Variants in ATG4B observed in about 807,000 individuals in gnomAD.
ATG4B encodes the protein autophagy related 4B cysteine peptidase.
ATG4B carries 29 observed loss-of-function variants against 56.6 expected under a neutral mutation model. The ratio of observed to expected loss-of-function variants is 0.51; its 90% confidence interval spans 0.38 to 0.70. The LOEUF is 0.70. ATG4B is among the 30% of genes least tolerant of loss of function. ATG4B has a pLI of 0.00. For synonymous variants in ATG4B, 224 were observed against 206.1 expected (o/e 1.09, Z -0.74); for missense variants, 461 against 515.5 (o/e 0.89, Z 1.02).
chr2:241,671,129 G>A (rs1176672424), intron 11 of ATG4B, among the ~76,000 whole-genome samples, 183 bp from the exon 12 acceptor site: 1 of 152,252 alleles, frequency 6.6e-6, no homozygotes, highest in South Asian at 2.1e-4. Flanking sequence ...TGGTCAGACT[G>A]TGCTGTGTGT....
chr2:241,641,512 T>C (rs1344777128), intron 1 of ATG4B, among the ~76,000 whole-genome samples: 2 of 147,478 alleles, frequency 1.4e-5, no homozygotes, highest in Non-Finnish European at 3.0e-5. Flanking sequence ...ACTGCGCCAC[T>C]GCACTCCAGC....
At chr2:241,670,548 T>C (rs2068932283) in intron 10 of ATG4B, 178 bp from the exon 11 acceptor site, 2 of 653,874 alleles carry the variant, frequency 3.1e-6, no homozygotes, top group African/African-American at 1.8e-5. Flanking sequence ...CAGGGGACCA[T>C]GCACAGGGCA....
At chr2:241,662,244 C>T (rs2068612872) in intron 7 of ATG4B, among the ~76,000 whole-genome samples, 1 of 152,146 alleles carries the variant, frequency 6.6e-6, no homozygotes, top group Admixed American at 6.5e-5. Flanking sequence ...GGAAACTTCT[C>T]TAAACATCCA....
chr2:241,654,465 C>CCATCTGTA, intron 4 of ATG4B, 81 bp from the exon 5 acceptor site: 1 of 849,604 alleles, frequency 1.2e-6, no homozygotes, highest in Non-Finnish European at 1.9e-6. Context: ...GGTTTGGATG[C>CCATCTGTA]CATCTGTATC....
chr2:241,647,195 T>C (rs540611583), intron 1 of ATG4B, among the ~76,000 whole-genome samples: 22 of 152,352 alleles, frequency 1.4e-4, no homozygotes, highest in Non-Finnish European at 2.2e-4. Flanking sequence ...CCAGTGTTCA[T>C]TTAGCTCTGC....
chr2:241,652,974 T>C (rs966484457), intron 3 of ATG4B, among the ~76,000 whole-genome samples: 9 of 152,234 alleles, frequency 5.9e-5, no homozygotes, highest in African/African-American at 1.7e-4. Flanking sequence ...TGCTATGGGC[T>C]GGCAGTGTTT....
chr2:241,667,322 G>C (rs1309185557), intron 8 of ATG4B, among the ~76,000 whole-genome samples: 1 of 152,098 alleles, frequency 6.6e-6, no homozygotes, highest in African/African-American at 2.4e-5. Context: ...AAAGCAAAAG[G>C]GGGCGGGGAG....
At position 241,642,870 on chromosome 2, in the gene ATG4B, TC is replaced by T. The variant is rs1300819960; in HGVS notation, c.10+5148del. On this transcript the variant is annotated intron_variant, in intron 1 of 12. Transcript: ENST00000404914. ...TCTTAAGGTGTACAGCACCTCTCCG[TC>T]CTTTTTTTTTTTTTTTTTTTTTTTT... 6.8e-3 allele frequency among the ~76,000 whole-genome samples: 504 copies of T among 73,834 alleles called. 138 individuals carry two copies. The highest frequency in any genetic ancestry group is 0.043 in the African/African-American group (472 of 11,102). The allele number at this position is 73,834 out of a possible 152,430, so 48.4% of individuals were successfully genotyped here.
chr2:241,661,862 A>G (rs2068604004), intron 7 of ATG4B, among the ~76,000 whole-genome samples: 1 of 152,198 alleles, frequency 6.6e-6, no homozygotes, highest in African/African-American at 2.4e-5. Flanking sequence ...TTCTAACGAC[A>G]GTAGACAGAA....
chr2:241,654,397 GGT>G (rs2068325668), intron 4 of ATG4B, 147 bp from the exon 5 acceptor site: 1 of 624,784 alleles, frequency 1.6e-6, no homozygotes, highest in African/African-American at 1.9e-5. Context: ...CTCCATCCTG[GGT>G]GAGAGAGCGA....
intron 1 of ATG4B, among the ~76,000 whole-genome samples, chr2:241,650,692 C>T (rs1202709095): frequency 6.6e-6 from 1 of 152,022 alleles, no homozygotes; most frequent in Non-Finnish European, 1.5e-5. Flanking sequence ...CTAACTTGGC[C>T]TCTCACCCTC....
intron 1 of ATG4B, among the ~76,000 whole-genome samples, chr2:241,645,379 G>A (rs1486439885): frequency 1.3e-5 from 2 of 152,298 alleles, no homozygotes; most frequent in Non-Finnish European, 2.9e-5. Flanking sequence ...TGGATTCAGT[G>A]TTAGTAAAGA....
intron 1 of ATG4B, 91 bp from the exon 2 acceptor site, chr2:241,650,919 C>G: frequency 9.1e-7 from 1 of 1,093,436 alleles, no homozygotes; most frequent in Non-Finnish European, 1.3e-6. Flanking sequence ...CAGTTGTTCT[C>G]TTCAGCACAG....
chr2:241,662,795 G>A lies in ATG4B; in HGVS notation c.538+3608G>A, dbSNP rs986390907. On this transcript the variant is annotated intron_variant, in intron 7 of 12. Coordinates refer to ENST00000404914, the MANE Select transcript of ATG4B (RefSeq NM_013325.5). ...TCCCAACTTCAAAATCAATAAAGCG[G>A]GCCGGGCGCGGTGGCTCACGCCTAT... Among the ~76,000 whole-genome samples, 5 of 152,034 alleles carry A rather than the reference G, an allele frequency of 3.3e-5. No homozygotes were observed. The South Asian group carries it at 1.0e-3, about 32-fold the overall frequency.
At chr2:241,652,567 G>T (rs756763711) in intron 3 of ATG4B, among the ~76,000 whole-genome samples, 1 of 152,160 alleles carries the variant, frequency 6.6e-6, no homozygotes, top group Non-Finnish European at 1.5e-5. Flanking sequence ...TCGCTATGTT[G>T]CCCAGGCTGG....
chr2:241,658,442 T>A (rs1252413478), intron 6 of ATG4B, among the ~76,000 whole-genome samples: 1 of 152,202 alleles, frequency 6.6e-6, no homozygotes, highest in East Asian at 1.9e-4. Context: ...GGTCTTGCAT[T>A]CTGTCCCCGG....
chr2:241,667,124 C>G (rs561697882), intron 8 of ATG4B, among the ~76,000 whole-genome samples: 5 of 152,140 alleles, frequency 3.3e-5, no homozygotes. Flanking sequence ...CTCGGCCTGA[C>G]GGGGAGCCCC....
intron 5 of ATG4B, 136 bp from the exon 6 acceptor site, chr2:241,655,135 T>C: frequency 2.6e-6 from 2 of 776,474 alleles, no homozygotes; most frequent in South Asian, 1.7e-5. Context: ...CCGATCTTGT[T>C]GGGGCATCCT....
In ATG4B at chr2:241,659,153, T is replaced by G; in HGVS notation, c.504T>G (p.Ile168Met). 1 of 1,613,718 alleles carries G rather than the reference T, an allele frequency of 6.2e-7. No homozygotes were observed. Residue 168 changes from isoleucine to methionine, a missense_variant, in exon 7 of 13, where the codon ATT (isoleucine) becomes ATG (methionine). Coordinates refer to ENST00000404914, the MANE Select transcript of ATG4B (RefSeq NM_013325.5). ...CGTGGAGCTCCTTGGCGGTCCACAT[T>G]GCAATGGACAACACTGTTGTGATGG... is the stretch of plus-strand genomic sequence containing the variant. The part of the protein sequence containing the change: ...FDTWSSLAVH[I>M]AMDNTVVMEE...
Sources: allele counts gnomAD v4.1 joint callset (sites outside exome capture counted in the v4.1 genomes callset), GRCh38; gene constraint gnomAD v4.1.1; transcripts MANE v1.5; gene names NCBI Gene and HGNC (gene_info 2026-07-23, HGNC 2026-07-21).